The following FHIT variants were observed in gnomAD, a reference collection of about 807,000 sequenced individuals.
The protein encoded by FHIT is fragile histidine triad diadenosine triphosphatase.
A neutral mutation model predicts 17.9 loss-of-function variants in FHIT; 19 were observed. The ratio of observed to expected loss-of-function variants is 1.06; its 90% confidence interval spans 0.74 to 1.56. FHIT has a LOEUF of 1.56. FHIT is among the 40% of genes most tolerant of loss of function. The pLI, the probability that FHIT is intolerant of heterozygous loss-of-function variation, is 0.00. For synonymous variants in FHIT, 81 were observed against 69.7 expected (o/e 1.16, Z -0.81); for missense variants, 248 against 189.2 (o/e 1.31, Z -1.82).
At chr3:60,193,224 A>C (rs780305819) in intron 5 of FHIT, among the ~76,000 whole-genome samples, 7 of 152,170 alleles carry the variant, frequency 4.6e-5, no homozygotes, top group Non-Finnish European at 8.8e-5. Context: ...ATGTGAGTAT[A>C]ATCACTGACC....
chr3:60,379,587 T>G lies in FHIT; in HGVS notation c.103+157273A>C, dbSNP rs114185635. Among the ~76,000 whole-genome samples, 300 of 152,312 alleles carry G rather than the reference T, an allele frequency of 2.0e-3. 3 individuals are homozygous for G. The highest frequency in any genetic ancestry group is 7.0e-3 in the African/African-American group (292 of 41,566). The stretch of plus-strand genomic sequence containing the variant: ...AGGAACAAGTTTGGTATGCCATTTA[T>G]TTCGGTATTCAGAGCAGGTCATTAC... On this transcript the variant is annotated intron_variant, in intron 5 of 9. Transcript: ENST00000492590.
chr3:60,633,704 A>T (rs185939939), intron 4 of FHIT, among the ~76,000 whole-genome samples: 30 of 152,300 alleles, frequency 2.0e-4, no homozygotes, highest in African/African-American at 7.2e-4. Context: ...ATGCTAGCTG[A>T]CCCTCAACAA....
intron 5 of FHIT, among the ~76,000 whole-genome samples, chr3:60,287,763 C>T (rs1029499160): frequency 7.9e-5 from 12 of 152,202 alleles, no homozygotes; most frequent in East Asian, 5.8e-4. Context: ...ATTCAGGGTT[C>T]TCTGATTATC....
intron 7 of FHIT, among the ~76,000 whole-genome samples, chr3:59,926,355 C>A (rs1231626572): frequency 6.6e-6 from 1 of 152,072 alleles, no homozygotes; most frequent in African/African-American, 2.4e-5. Context: ...TTCTAGGAGC[C>A]AGGGATACGG....
chr3:59,924,887 T>C (rs1271498288), intron 7 of FHIT, among the ~76,000 whole-genome samples: 1 of 152,204 alleles, frequency 6.6e-6, no homozygotes, highest in Non-Finnish European at 1.5e-5. Context: ...TGCCACACTT[T>C]GAGAACCACT....
chr3:60,569,746 TA>T lies in FHIT; in HGVS notation c.-17-32768del, dbSNP rs1559547669. Among the ~76,000 whole-genome samples the T allele has an allele frequency of 3.4e-3, 281 of 81,630 alleles. 4 individuals are homozygous for T. The highest frequency in any genetic ancestry group is 6.1e-3 in the Middle Eastern group (1 of 164). The allele number at this position is 81,630 out of a possible 152,430, so 53.6% of individuals were successfully genotyped here. A position where few individuals can be genotyped will look rare whatever the true frequency, so the allele number is the denominator to read the frequency against. On this transcript the variant is annotated intron_variant, in intron 4 of 9. Transcript: ENST00000492590. ...AATACTATATATATATATATATATA[TA>T]TATATATATTTTTTTTTTTTTTAGA...
intron 5 of FHIT, among the ~76,000 whole-genome samples, chr3:60,528,145 C>T (rs1460749879): frequency 6.6e-6 from 1 of 152,126 alleles, no homozygotes; most frequent in Non-Finnish European, 1.5e-5. Context: ...AGCCAATAAA[C>T]TTTTCTTGTA....
intron 3 of FHIT, among the ~76,000 whole-genome samples, chr3:61,015,203 C>T (rs1266333364): frequency 6.6e-6 from 1 of 151,986 alleles, no homozygotes; most frequent in Non-Finnish European, 1.5e-5. Context: ...TCAGTTAGGG[C>T]AGACAACCCC....
intron 5 of FHIT, among the ~76,000 whole-genome samples, chr3:60,117,494 T>TAA (rs34113926): frequency 0.012 from 1,057 of 86,754 alleles, 46 homozygotes; most frequent in African/African-American, 0.043. Context: ...ACTTCCTATC[T>TAA]AAAAAAAAAA....
chr3:60,111,668 A>G (rs1391582786), intron 5 of FHIT, among the ~76,000 whole-genome samples: 1 of 152,240 alleles, frequency 6.6e-6, no homozygotes, highest in East Asian at 1.9e-4. Flanking sequence ...AAAGGAACAG[A>G]CTATTGATTT....
In FHIT at chr3:60,520,694, G is replaced by A. The variant is rs575179138; in HGVS notation, c.103+16166C>T. Among the ~76,000 whole-genome samples the A allele has an allele frequency of 2.6e-5, 4 of 152,218 alleles. No homozygotes were observed. The East Asian group carries it at 7.7e-4, about 29-fold the overall frequency. ...TTAGTTCAAAGAGGACACTAACATGGTGTTAGAGGGTCATTTTTCAATGTT... is the reference window on the plus strand; with the variant it reads ...TTAGTTCAAAGAGGACACTAACATGATGTTAGAGGGTCATTTTTCAATGTT... On this transcript the variant is annotated intron_variant, in intron 5 of 9. Coordinates refer to ENST00000492590, the MANE Select transcript of FHIT (RefSeq NM_002012.4).
At chr3:61,006,752 A>G (rs1221532106) in intron 3 of FHIT, among the ~76,000 whole-genome samples, 2 of 152,112 alleles carry the variant, frequency 1.3e-5, no homozygotes, top group Non-Finnish European at 2.9e-5. Context: ...TATTTTTGAA[A>G]TAAAATATAC....
intron 5 of FHIT, among the ~76,000 whole-genome samples, chr3:60,421,783 C>T (rs1280332296): frequency 6.6e-6 from 1 of 151,956 alleles, no homozygotes; most frequent in East Asian, 1.9e-4. Context: ...ACAGGACATT[C>T]TGTTCTATTA....
At chr3:60,135,900 C>T (rs1281720140) in intron 5 of FHIT, among the ~76,000 whole-genome samples, 3 of 152,126 alleles carry the variant, frequency 2.0e-5, no homozygotes, top group Non-Finnish European at 4.4e-5. Context: ...AAATCTAAAT[C>T]CACCTAAACT....
intron 4 of FHIT, among the ~76,000 whole-genome samples, chr3:60,708,757 C>A (rs546385948): frequency 1.8e-4 from 28 of 152,262 alleles, no homozygotes; most frequent in Non-Finnish European, 3.2e-4. Flanking sequence ...GGCAAGGGAA[C>A]AGTATTCCCC....
intron 4 of FHIT, among the ~76,000 whole-genome samples, chr3:60,753,854 G>C (rs2108037550): frequency 6.6e-6 from 1 of 152,224 alleles, no homozygotes. Flanking sequence ...TCACTAAGTA[G>C]GGCTGCTTTA....
At chr3:60,618,345 G>C (rs7640909) in intron 4 of FHIT, among the ~76,000 whole-genome samples, 17,184 of 152,166 alleles carry the variant, frequency 0.11, 1,171 homozygotes, top group Non-Finnish European at 0.15. Flanking sequence ...AGAGATGGTA[G>C]TGCCATGGTG....
intron 8 of FHIT, among the ~76,000 whole-genome samples, chr3:59,912,349 G>T (rs1704920294): frequency 6.6e-6 from 1 of 152,174 alleles, no homozygotes; most frequent in African/African-American, 2.4e-5. Flanking sequence ...AAATAATTTA[G>T]GAAAACAAGT....
At chr3:60,084,223 C>A (rs560167975) in intron 5 of FHIT, among the ~76,000 whole-genome samples, 9 of 152,272 alleles carry the variant, frequency 5.9e-5, no homozygotes, top group Admixed American at 5.2e-4. Context: ...TTTTGCTTTA[C>A]ATTCTTTTGT....
Sources: gnomAD v4.1 joint callset for allele counts (sites outside exome capture counted in the v4.1 genomes callset) on GRCh38, gnomAD v4.1.1 for gene constraint, MANE v1.5 for transcripts, NCBI Gene and HGNC (gene_info 2026-07-23, HGNC 2026-07-21) for gene names.